The following GALNT13 variants were observed in gnomAD, a reference collection of about 807,000 sequenced individuals.
GALNT13 encodes the protein UDP-GalNAc:polypeptide N-acetylgalactosaminyltransferase 13.
GALNT13 carries 28 observed loss-of-function variants against 64.2 expected under a neutral mutation model. That is an observed-to-expected ratio of 0.44 (90% confidence interval 0.32 to 0.60). The LOEUF (loss-of-function observed/expected upper bound fraction) is 0.60, where lower values mean the gene tolerates loss of function less well. Ranked by LOEUF, GALNT13 falls within the 20% of genes least tolerant of loss-of-function variation. GALNT13 has a pLI of 0.05. For missense variants in GALNT13, 577 were observed against 669.8 expected (o/e 0.86, Z 1.53); for synonymous variants, 214 against 224.6 (o/e 0.95, Z 0.42).
the GALNT13 span, among the ~76,000 whole-genome samples, chr2:153,743,565 T>C: frequency 6.6e-6 from 1 of 152,150 alleles, no homozygotes; most frequent in Non-Finnish European, 1.5e-5. Context: ...TATAGAGGCA[T>C]ATATTTATGA....
At chr2:153,978,580 G>T (rs1324803871) in intron 3 of GALNT13, among the ~76,000 whole-genome samples, 1 of 152,030 alleles carries the variant, frequency 6.6e-6, no homozygotes, top group African/African-American at 2.4e-5. Context: ...GTTTATCAGG[G>T]GTTTCTGCTT....
At chr2:154,237,584 T>G (rs1000506372) in intron 4 of GALNT13, among the ~76,000 whole-genome samples, 2 of 148,522 alleles carry the variant, frequency 1.3e-5, no homozygotes, top group African/African-American at 4.9e-5. Flanking sequence ...ATATATAGTA[T>G]AACATATAGT....
intron 11 of GALNT13, among the ~76,000 whole-genome samples, chr2:154,428,777 ATTT>A (rs70983722): frequency 0.02 from 2,747 of 139,646 alleles, 82 homozygotes; most frequent in African/African-American, 0.067. Flanking sequence ...ATGATCAGTG[ATTT>A]TTTTTTTTTT....
At chr2:153,142,972 A>G in the GALNT13 span, among the ~76,000 whole-genome samples, 6 of 152,080 alleles carry the variant, frequency 3.9e-5, no homozygotes, top group South Asian at 1.0e-3. Flanking sequence ...AGGAGAATAT[A>G]CTGCCAGTTG....
chr2:153,188,320 G>T, the GALNT13 span, among the ~76,000 whole-genome samples: 1 of 148,164 alleles, frequency 6.7e-6, no homozygotes, highest in Non-Finnish European at 1.5e-5. Context: ...GGAGTTATCA[G>T]GTAGTCTATT....
At chr2:153,148,476 TTC>T in the GALNT13 span, among the ~76,000 whole-genome samples, 1 of 126,650 alleles carries the variant, frequency 7.9e-6, no homozygotes, top group African/African-American at 3.2e-5. Flanking sequence ...CATCCATTTT[TTC>T]TTTTTTTTTT....
chr2:154,005,801 T>C (rs947716316), intron 3 of GALNT13, among the ~76,000 whole-genome samples: 2 of 152,184 alleles, frequency 1.3e-5, no homozygotes, highest in Non-Finnish European at 2.9e-5. Context: ...TGCATAAGAA[T>C]CACCTGGAGA....
chr2:153,452,741 A>T, the GALNT13 span, among the ~76,000 whole-genome samples: 1 of 152,102 alleles, frequency 6.6e-6, no homozygotes, highest in Non-Finnish European at 1.5e-5. Context: ...TTAAGCAACC[A>T]ATATTGTTTT....
chr2:153,645,339 A>G, the GALNT13 span, among the ~76,000 whole-genome samples: 16 of 152,136 alleles, frequency 1.1e-4, no homozygotes, highest in African/African-American at 3.9e-4. Flanking sequence ...ATAATTTCAT[A>G]GTATTGTAGA....
the GALNT13 span, among the ~76,000 whole-genome samples, chr2:153,700,148 C>T: frequency 6.6e-6 from 1 of 152,092 alleles, no homozygotes; most frequent in East Asian, 1.9e-4. Flanking sequence ...TATCCACCAC[C>T]ACCAAGTTGG....
the GALNT13 span, among the ~76,000 whole-genome samples, chr2:153,413,217 A>G: frequency 3.3e-5 from 5 of 152,090 alleles, no homozygotes; most frequent in African/African-American, 1.2e-4. Context: ...CCCGTATCCT[A>G]TCTGACCTCT....
intron 9 of GALNT13, among the ~76,000 whole-genome samples, chr2:154,304,258 A>G (rs756783274): frequency 1.6e-4 from 24 of 152,206 alleles, no homozygotes; most frequent in Non-Finnish European, 2.9e-4. Context: ...GCATAGATGT[A>G]TTTCCCTTTA....
chr2:153,954,237 G>A (rs143558443), intron 3 of GALNT13, among the ~76,000 whole-genome samples: 6 of 152,234 alleles, frequency 3.9e-5, no homozygotes, highest in South Asian at 2.1e-4. Flanking sequence ...TTGCAAGATA[G>A]GTAGAGGGTA....
chr2:153,741,017 A>T, the GALNT13 span, among the ~76,000 whole-genome samples: 1 of 152,178 alleles, frequency 6.6e-6, no homozygotes, highest in Non-Finnish European at 1.5e-5. Context: ...GCCACACTAG[A>T]AGCAAAAGTC....
the GALNT13 span, among the ~76,000 whole-genome samples, chr2:153,247,067 A>G: frequency 9.9e-5 from 15 of 152,230 alleles, no homozygotes; most frequent in Admixed American, 2.0e-4. Flanking sequence ...CATAATAGTA[A>G]AGGGATCAAT....
chr2:153,725,447 A>C, the GALNT13 span, among the ~76,000 whole-genome samples: 1 of 150,846 alleles, frequency 6.6e-6, no homozygotes, highest in East Asian at 1.9e-4. Context: ...CCTAAAACTT[A>C]AAGTATAATT....
intron 3 of GALNT13, among the ~76,000 whole-genome samples, chr2:154,063,530 C>T (rs1700301841): frequency 6.6e-6 from 1 of 151,990 alleles, no homozygotes; most frequent in African/African-American, 2.4e-5. Context: ...AATTGAAGTC[C>T]TGGGTTATGC....
intron 9 of GALNT13, among the ~76,000 whole-genome samples, chr2:154,383,232 A>C (rs1261665082): frequency 6.6e-6 from 1 of 151,984 alleles, no homozygotes; most frequent in Non-Finnish European, 1.5e-5. Context: ...AAAACAACAG[A>C]CATAATGGGT....
At chr2:153,901,098 C>T (rs1558842885) in intron 2 of GALNT13, 91 bp downstream of exon 2, 1 of 152,054 alleles carries the variant, frequency 6.6e-6, no homozygotes, top group Non-Finnish European at 1.5e-5. Context: ...TATTTACAGT[C>T]TTTGATATTG....
Sources: allele counts gnomAD v4.1 joint callset (sites outside exome capture counted in the v4.1 genomes callset), GRCh38; gene constraint gnomAD v4.1.1; transcripts MANE v1.5; gene names NCBI Gene and HGNC (gene_info 2026-07-23, HGNC 2026-07-21).